ABLIM2: variants seen among roughly 807,000 people sequenced by gnomAD.
The protein encoded by ABLIM2 is actin binding LIM protein family member 2, also known as actin-binding LIM protein 2.
In ABLIM2, 53 loss-of-function variants were observed where a neutral mutation model predicts 97.7. That is an observed-to-expected ratio of 0.54 (90% CI 0.44 to 0.68). The LOEUF is 0.68. Ranked by LOEUF, ABLIM2 falls within the 30% of genes least tolerant of loss-of-function variation. The pLI, the probability that ABLIM2 is intolerant of heterozygous loss-of-function variation, is 0.00. For synonymous variants in ABLIM2, 361 were observed against 345.8 expected (o/e 1.04, Z -0.49); for missense variants, 835 against 867.2 (o/e 0.96, Z 0.47).
chr4:8,006,185 G>A (rs573260212), intron 16 of ABLIM2, among the ~76,000 whole-genome samples: 1 of 152,374 alleles, frequency 6.6e-6, no homozygotes, highest in Non-Finnish European at 1.5e-5. Flanking sequence ...AGTGCACGAG[G>A]TGAAGGCCAC....
At position 8,054,112 on chromosome 4, in the gene ABLIM2, A is replaced by C; in HGVS notation, c.822+76T>G. On this transcript the variant is annotated intron_variant, in intron 8 of 20. Transcript: ENST00000447017. The surrounding 1 kb of genome is among the most constrained non-coding windows in gnomAD (Gnocchi z 4.9). ...GACAATGAGCCTGTAGAATCTGGTC[A>C]GTGTCCTCTTAACTGTACAAAGATG... 6.6e-7 allele frequency: 1 copy of C among 1,525,860 alleles called. No individual in the cohort carries two copies. Among genetic ancestry groups the C allele is most frequent in the Non-Finnish European group, 9.1e-7 (1 of 1,100,834 alleles). 94.5% of individuals were successfully genotyped at this position (1,525,860 alleles called of 1,614,324 possible).
chr4:7,990,928 C>G (rs1262731307), intron 17 of ABLIM2, among the ~76,000 whole-genome samples: 2 of 152,176 alleles, frequency 1.3e-5, no homozygotes, highest in African/African-American at 4.8e-5. Flanking sequence ...ACCAATCTCC[C>G]CCAGAAGCAA....
rs772465480 is a variant in ABLIM2, at chr4:8,054,192, T to C, written c.818A>G (p.Asn273Ser). The C allele has an allele frequency of 6.2e-7, 1 of 1,613,936 alleles. No homozygotes were observed. ...CRQAARTEDR[N>S]KETRTSSESI... ...ACACCAGTGAATGCCACCAACCTTG[T>C]TTCTGTCTTCAGTTCTGGCTGCTTG... is the stretch of plus-strand genomic sequence containing the variant. The change falls in exon 8 of 21, where the codon AAC (asparagine) becomes AGC (serine). Residue 273 changes from asparagine (N) to serine (S), a missense_variant. Transcript: ENST00000447017. The surrounding 1 kb of genome is among the most constrained non-coding windows in gnomAD (Gnocchi z 4.9).
At chr4:8,063,831 C>A (rs1805102510) in intron 6 of ABLIM2, among the ~76,000 whole-genome samples, 1 of 152,226 alleles carries the variant, frequency 6.6e-6, no homozygotes, top group Non-Finnish European at 1.5e-5. Context: ...ACCCCCCTTG[C>A]CTTTGCTGTG....
intron 20 of ABLIM2, among the ~76,000 whole-genome samples, chr4:7,982,063 T>TGCACCCATGCCCCTCCAACTCCCTCCCCA (rs1738968618): frequency 6.6e-6 from 1 of 152,008 alleles, no homozygotes; most frequent in African/African-American, 2.4e-5. Flanking sequence ...GCCCCTCAGC[T>TGCACCCATGCCCCTCCAACTCCCTCCCCA]GCACCCATGC....
chr4:8,116,495 C>A (rs762701881), intron 1 of ABLIM2, among the ~76,000 whole-genome samples: 1 of 152,270 alleles, frequency 6.6e-6, no homozygotes, highest in East Asian at 1.9e-4. Flanking sequence ...ACTTGGGGAC[C>A]CTGGGGATTT....
intron 1 of ABLIM2, among the ~76,000 whole-genome samples, chr4:8,152,526 G>A (rs1209142511): frequency 1.3e-5 from 2 of 152,200 alleles, no homozygotes; most frequent in Non-Finnish European, 1.5e-5. Context: ...GGTGCTGCCC[G>A]ACACCCTAGA....
In ABLIM2 at chr4:8,033,732, G is replaced by A. The variant is rs1579250534; in HGVS notation, c.1047+2417C>T. Among the ~76,000 whole-genome samples, 1 of 152,210 alleles carries A rather than the reference G, an allele frequency of 6.6e-6. No homozygotes were observed. The highest frequency in any genetic ancestry group is 1.9e-4 in the East Asian group (1 of 5,190). ...GGTCCTGGGGTCAGGATCATCCATG[G>A]TTCACAGATGTCCTGCCATTTGAGA... On this transcript the variant is annotated intron_variant, in intron 10 of 20. Coordinates refer to ENST00000447017, the MANE Select transcript of ABLIM2 (RefSeq NM_001130083.2). The surrounding 1 kb of genome is among the most constrained non-coding windows in gnomAD (Gnocchi z 4.5).
Position 8,032,715 on chromosome 4 carries a change from T to C in ABLIM2, c.1048-2939A>G, listed in dbSNP as rs996336910. The stretch of plus-strand genomic sequence containing the variant: ...CAACACACAAAGTGGCCATTAGTGC[T>C]GGCGCCAGGCAGAGAGGGAGGAGGG... On this transcript the variant is annotated intron_variant, in intron 10 of 20. Transcript: ENST00000447017. The surrounding 1 kb of genome is among the most constrained non-coding windows in gnomAD (Gnocchi z 4.3). The C allele has an allele frequency of 2.5e-6, 4 of 1,611,800 alleles. No individual in the cohort carries two copies. The African/African-American group carries it at 5.4e-5, about 22-fold the overall frequency.
At chr4:8,151,978 G>A (rs541873487) in intron 1 of ABLIM2, among the ~76,000 whole-genome samples, 4 of 152,206 alleles carry the variant, frequency 2.6e-5, no homozygotes, top group Non-Finnish European at 4.4e-5. Flanking sequence ...ATGCAATGAC[G>A]CTAGGCAGGA....
Position 8,061,731 on chromosome 4 carries a change from C to T in ABLIM2, c.676-677G>A, listed in dbSNP as rs1283758882. ...CACACTTCCTACCCTGAGGGCACGG[C>T]GGGTGCAGCCTATTGCTAAATGTGG... On this transcript the variant is annotated intron_variant, in intron 6 of 20. Coordinates refer to ENST00000447017, the MANE Select transcript of ABLIM2 (RefSeq NM_001130083.2). The surrounding 1 kb of genome is among the most constrained non-coding windows in gnomAD (Gnocchi z 4.5). 1.3e-5 allele frequency among the ~76,000 whole-genome samples: 2 copies of T among 151,890 alleles called. No individual in the cohort carries two copies. Among genetic ancestry groups the T allele is most frequent in the East Asian group, 1.9e-4 (1 of 5,176 alleles).
chr4:7,987,816 G>A (rs1745603465), intron 17 of ABLIM2, among the ~76,000 whole-genome samples: 1 of 152,112 alleles, frequency 6.6e-6, no homozygotes, highest in Admixed American at 6.5e-5. Context: ...GTGCGAAGTG[G>A]GGATGGGGTG....
rs1039338807 is a variant in ABLIM2 at position 8,061,480 on chromosome 4, G to C, written c.676-426C>G. Among the ~76,000 whole-genome samples, 1 of 152,080 alleles carries C rather than the reference G, an allele frequency of 6.6e-6. No homozygotes were observed. Among genetic ancestry groups the C allele is most frequent in the Non-Finnish European group, 1.5e-5 (1 of 67,998 alleles). ...TTCCCTAGGTGCAAGAATTAGGGGA[G>C]TGGGGTGAAAAAGGATGAATACTTT... On this transcript the variant is annotated intron_variant, in intron 6 of 20. Transcript: ENST00000447017. This position sits in a 1 kb window ranked among gnomAD's most constrained non-coding sequence, Gnocchi z 4.5.
chr4:8,119,915 G>A (rs1844526238), intron 1 of ABLIM2, among the ~76,000 whole-genome samples: 1 of 152,136 alleles, frequency 6.6e-6, no homozygotes, highest in African/African-American at 2.4e-5. Context: ...CCTCCGCTCA[G>A]ATCTGGGGTG....
chr4:7,987,493 A>AC (rs35845962), intron 17 of ABLIM2, among the ~76,000 whole-genome samples: 2,297 of 152,030 alleles, frequency 0.015, 60 homozygotes, highest in African/African-American at 0.052. Context: ...TGGTCAGGGA[A>AC]CCCCCAGTAT....
intron 10 of ABLIM2, 144 bp downstream of exon 10, chr4:8,036,005 G>T (rs1784262757): frequency 1.4e-5 from 14 of 1,012,878 alleles, no homozygotes; most frequent in Non-Finnish European, 2.0e-5. Context: ...CTATCTGATG[G>T]GCGTGAAGAG....
chr4:8,082,143 C>T lies in ABLIM2; in HGVS notation c.455-1341G>A, dbSNP rs768358666. ...GGGTGTCTGACAAACAGGGCCTTGC[C>T]GCCTGCAGGAGCCCCTGAGTAATTC... On this transcript the variant is annotated intron_variant, in intron 4 of 20. Transcript: ENST00000447017. This position sits in a 1 kb window ranked among gnomAD's most constrained non-coding sequence, Gnocchi z 5.6. 2.0e-5 allele frequency among the ~76,000 whole-genome samples: 3 copies of T among 152,084 alleles called. No individual in the cohort carries two copies. The highest frequency in any genetic ancestry group is 4.4e-5 in the Non-Finnish European group (3 of 68,006).
chr4:8,142,158 G>T (rs548664479), intron 1 of ABLIM2, among the ~76,000 whole-genome samples: 19 of 152,214 alleles, frequency 1.2e-4, no homozygotes, highest in Non-Finnish European at 2.8e-4. Flanking sequence ...CTCTTTCCTG[G>T]ATCTGGGACA....
At chr4:8,084,593 C>T (rs1420908142) in intron 4 of ABLIM2, among the ~76,000 whole-genome samples, 1 of 148,814 alleles carries the variant, frequency 6.7e-6, no homozygotes, top group Non-Finnish European at 1.5e-5. Context: ...GAACTGCATA[C>T]ATCCCTTCCT....
Sources: gnomAD v4.1 joint callset for allele counts (sites outside exome capture counted in the v4.1 genomes callset) on GRCh38, gnomAD v4.1.1 for gene constraint, Gnocchi (gnomAD v3.1) non-coding constraint, MANE v1.5 for transcripts, NCBI Gene and HGNC (gene_info 2026-07-23, HGNC 2026-07-21) for gene names.